Variants in PKHD1 observed in about 807,000 individuals in gnomAD.
PKHD1 encodes the protein fibrocystin.
In PKHD1, 291 loss-of-function variants were observed where a neutral mutation model predicts 412.0. That is an observed-to-expected ratio of 0.71 (90% confidence interval 0.64 to 0.78). The LOEUF is 0.78. Among genes scored for constraint, PKHD1 ranks in the 30% least tolerant of loss-of-function variants. The probability of loss-of-function intolerance (pLI) is 0.00; values close to 1 mark genes in which losing one functional copy is unlikely to be tolerated. For synonymous variants in PKHD1, 1,777 were observed against 1,821.5 expected (o/e 0.98, Z 0.62); for missense variants, 4,825 against 4,950.7 (o/e 0.97, Z 0.76).
rs572623588 is a variant in PKHD1 at position 51,807,549 on chromosome 6, A to C, written c.8303-16176T>G. ...TCCATCTATATGAGCATCTGGCTTA[A>C]TGTCTACTTAAAAAACTTTATTACC... On this transcript the variant is annotated intron_variant, in intron 52 of 66. Coordinates refer to ENST00000371117, the MANE Select transcript of PKHD1 (RefSeq NM_138694.4). Among the ~76,000 whole-genome samples, 7 of 144,002 alleles carry C rather than the reference A, an allele frequency of 4.9e-5. No individual in the cohort carries two copies. The East Asian group carries it at 1.4e-3, about 29-fold the overall frequency. The allele number at this position is 144,002 out of a possible 152,430, so 94.5% of individuals were successfully genotyped here.
intron 37 of PKHD1, among the ~76,000 whole-genome samples, chr6:51,929,396 C>A (rs2127748709): frequency 6.6e-6 from 1 of 152,226 alleles, no homozygotes; most frequent in East Asian, 1.9e-4. Context: ...TTACTTTGAA[C>A]ACAAATATAT....
chr6:51,879,030 T>G (rs1325972271), intron 46 of PKHD1, among the ~76,000 whole-genome samples: 4 of 89,540 alleles, frequency 4.5e-5, no homozygotes, highest in Admixed American at 1.4e-4. Context: ...TCAAAGAGAA[T>G]AAAATACCTA....
intron 36 of PKHD1, among the ~76,000 whole-genome samples, chr6:51,951,637 C>T (rs1790383683): frequency 6.6e-6 from 1 of 152,120 alleles, no homozygotes; most frequent in African/African-American, 2.4e-5. Flanking sequence ...AATGAGAATA[C>T]AGTACTTCCT....
intron 15 of PKHD1, 106 bp from the exon 16 acceptor site, chr6:52,058,707 G>T (rs534415770): frequency 3.8e-5 from 46 of 1,203,572 alleles, no homozygotes; most frequent in Non-Finnish European, 5.3e-5. Context: ...TTTTGAACTG[G>T]TCTGCCTTTT....
At chr6:51,851,416 T>G (rs182479286) in intron 49 of PKHD1, among the ~76,000 whole-genome samples, 165 of 152,362 alleles carry the variant, frequency 1.1e-3, no homozygotes, top group African/African-American at 3.9e-3. Flanking sequence ...CTTCATAAAA[T>G]GAGTTAAGGA....
Position 52,024,847 on chromosome 6 carries a change from C to A in PKHD1, c.4963G>T (p.Ala1655Ser), listed in dbSNP as rs1157211155. 10 of 1,614,190 alleles carry A rather than the reference C, an allele frequency of 6.2e-6. No homozygotes were observed. The highest frequency in any genetic ancestry group is 8.5e-6 in the Non-Finnish European group (10 of 1,180,036). Reference protein sequence around the residue: ...YHIGVIGYNKAFTPELISISQ... With the variant: ...YHIGVIGYNKSFTPELISISQ... The stretch of plus-strand genomic sequence containing the variant: ...ATAGAGATCAATTCTGGGGTAAAGG[C>A]CTTGTTATAACCAATGACTCCTATG... Residue 1655 changes from alanine to serine, a missense_variant, in exon 32 of 67, where the codon GCC becomes TCC. Physicochemically the swap from Ala to Ser is moderately conservative, Grantham distance 99. Transcript: ENST00000371117.
At chr6:52,005,640 G>C (rs1338265273) in intron 35 of PKHD1, among the ~76,000 whole-genome samples, 1 of 152,082 alleles carries the variant, frequency 6.6e-6, no homozygotes, top group Admixed American at 6.6e-5. Flanking sequence ...CTGTGAGAGG[G>C]GAAGAGCATG....
At chr6:51,723,617 G>T (rs371455257) in intron 60 of PKHD1, among the ~76,000 whole-genome samples, 1 of 152,146 alleles carries the variant, frequency 6.6e-6, no homozygotes, top group African/African-American at 2.4e-5. Flanking sequence ...GTGAAAACAA[G>T]ATTAAAATAA....
chr6:51,667,849 T>C (rs1774108649), intron 60 of PKHD1, among the ~76,000 whole-genome samples: 1 of 151,226 alleles, frequency 6.6e-6, no homozygotes, highest in South Asian at 2.1e-4. Flanking sequence ...AAAGATCAGA[T>C]AGTTGTAGAT....
At chr6:52,050,792 T>G (rs116634406) in intron 21 of PKHD1, among the ~76,000 whole-genome samples, 3,582 of 152,294 alleles carry the variant, frequency 0.024, 137 homozygotes, top group African/African-American at 0.082. Context: ...GAGAGACCAC[T>G]GGTCAAATCC....
intron 29 of PKHD1, among the ~76,000 whole-genome samples, chr6:52,030,674 TG>T (rs902848373): frequency 6.9e-6 from 1 of 144,618 alleles, no homozygotes; most frequent in Non-Finnish European, 1.5e-5. Flanking sequence ...GCAAGGGAAC[TG>T]GGAGGGGGTG....
intron 62 of PKHD1, 73 bp downstream of exon 62, chr6:51,649,012 C>T: frequency 2.1e-6 from 3 of 1,413,442 alleles, no homozygotes; most frequent in Non-Finnish European, 3.0e-6. Flanking sequence ...AATGATGACA[C>T]ACTCTAAAAG....
chr6:51,823,324 G>A (rs544817202), intron 52 of PKHD1, among the ~76,000 whole-genome samples: 7 of 152,080 alleles, frequency 4.6e-5, no homozygotes, highest in African/African-American at 9.6e-5. Flanking sequence ...GCCAATTACC[G>A]CCACCCCATG....
At chr6:51,868,274 T>C (rs2151762891) in intron 47 of PKHD1, among the ~76,000 whole-genome samples, 165 bp from the exon 48 acceptor site, 1 of 152,282 alleles carries the variant, frequency 6.6e-6, no homozygotes, top group Middle Eastern at 3.4e-3. Context: ...CAGTGAGTGT[T>C]TACTGTCTAC....
At chr6:51,650,725 GTGGTCC>G (rs1486773571) in intron 61 of PKHD1, among the ~76,000 whole-genome samples, 1 of 152,080 alleles carries the variant, frequency 6.6e-6, no homozygotes, top group Non-Finnish European at 1.5e-5. Flanking sequence ...GTGCAAACAT[GTGGTCC>G]TAAGAAGCTC....
At chr6:52,055,438 G>A in intron 19 of PKHD1, 149 bp downstream of exon 19, 2 of 800,944 alleles carry the variant, frequency 2.5e-6, no homozygotes, top group Non-Finnish European at 4.2e-6. Context: ...ACCTGAAACA[G>A]CAGTCGAGAG....
intron 35 of PKHD1, among the ~76,000 whole-genome samples, chr6:51,983,145 A>T (rs1456381908): frequency 2.0e-5 from 3 of 152,222 alleles, no homozygotes; most frequent in African/African-American, 7.2e-5. Context: ...AGAGAATTTA[A>T]CACAGCAGGA....
intron 35 of PKHD1, among the ~76,000 whole-genome samples, chr6:51,983,848 G>C (rs1795890291): frequency 6.6e-6 from 1 of 152,212 alleles, no homozygotes; most frequent in Non-Finnish European, 1.5e-5. Context: ...GCCTAACGGT[G>C]TGTTTATTGA....
chr6:51,947,207 C>G (rs1309720385), intron 36 of PKHD1, among the ~76,000 whole-genome samples: 1 of 152,204 alleles, frequency 6.6e-6, no homozygotes, highest in African/African-American at 2.4e-5. Context: ...TGACCAGCAG[C>G]ATTTGACAAC....
Sources: gnomAD v4.1 joint callset for allele counts (sites outside exome capture counted in the v4.1 genomes callset) on GRCh38, gnomAD v4.1.1 for gene constraint, MANE v1.5 for transcripts, NCBI Gene and HGNC (gene_info 2026-07-23, HGNC 2026-07-21) for gene names.